Variants in CEP112 observed in about 807,000 individuals in gnomAD.
CEP112 encodes the protein centrosomal protein 112.
Under a neutral mutation model 153.0 loss-of-function variants are expected in CEP112, and 127 were observed. The ratio of observed to expected loss-of-function variants is 0.83; its 90% confidence interval spans 0.72 to 0.96. The LOEUF is 0.96. Among genes scored for constraint, CEP112 ranks in the 40% least tolerant of loss-of-function variants. CEP112 has a pLI of 0.00. For missense variants in CEP112, 1,089 were observed against 1,101.2 expected (o/e 0.99, Z 0.16); for synonymous variants, 358 against 374.4 (o/e 0.96, Z 0.51).
intron 23 of CEP112, among the ~76,000 whole-genome samples, chr17:65,718,563 T>C (rs946850681): frequency 6.6e-6 from 1 of 152,210 alleles, no homozygotes; most frequent in African/African-American, 2.4e-5. Flanking sequence ...AATGAGTATC[T>C]CCTAAATTCT....
intron 19 of CEP112, among the ~76,000 whole-genome samples, chr17:65,908,019 C>T (rs910303788): frequency 6.6e-6 from 1 of 152,156 alleles, no homozygotes; most frequent in South Asian, 2.1e-4. Context: ...AATAAGCCTT[C>T]TAAGTTAAGG....
intron 4 of CEP112, among the ~76,000 whole-genome samples, chr17:66,140,497 A>G (rs2070643322): frequency 6.6e-6 from 1 of 152,234 alleles, no homozygotes; most frequent in Non-Finnish European, 1.5e-5. Context: ...AGATGACATA[A>G]TTGTATATGC....
At chr17:65,637,229 T>C (rs1352803007) in intron 25 of CEP112, 41 bp from the exon 26 acceptor site, 18 of 1,336,458 alleles carry the variant, frequency 1.3e-5, no homozygotes, top group Non-Finnish European at 1.9e-5. Flanking sequence ...GGACGTGGCT[T>C]ACATGTCAAT....
chr17:65,875,245 C>T (rs1369353205), intron 20 of CEP112, among the ~76,000 whole-genome samples: 1 of 151,990 alleles, frequency 6.6e-6, no homozygotes, highest in Non-Finnish European at 1.5e-5. Context: ...GGAAAGTTGA[C>T]ACAAATAGAA....
chr17:65,827,628 C>A (rs1422009617), intron 21 of CEP112, among the ~76,000 whole-genome samples: 1 of 152,134 alleles, frequency 6.6e-6, no homozygotes, highest in Non-Finnish European at 1.5e-5. Flanking sequence ...TACCCTCTTA[C>A]TCTCTCATTA....
At chr17:65,646,901 GACA>G (rs755709228) in intron 24 of CEP112, among the ~76,000 whole-genome samples, 26 of 152,236 alleles carry the variant, frequency 1.7e-4, no homozygotes, top group Non-Finnish European at 3.2e-4. Context: ...CAATAACAAT[GACA>G]ACAACAACTG....
At chr17:65,937,541 CCAGCCGCCCCG>C (rs2061365133) in intron 18 of CEP112, among the ~76,000 whole-genome samples, 1 of 118,844 alleles carries the variant, frequency 8.4e-6, no homozygotes. Context: ...CTCTGCCCGG[CCAGCCGCCCCG>C]TCCGGGAGGG....
intron 24 of CEP112, among the ~76,000 whole-genome samples, chr17:65,646,293 T>C (rs188183110): frequency 3.9e-4 from 59 of 152,336 alleles, no homozygotes; most frequent in African/African-American, 1.4e-3. Context: ...GTGATTTTAG[T>C]GAGTTTGAAT....
chr17:65,699,574 C>T (rs232142), intron 23 of CEP112, among the ~76,000 whole-genome samples: 2 of 151,884 alleles, frequency 1.3e-5, no homozygotes, highest in Admixed American at 6.6e-5. Flanking sequence ...TACACTGGCA[C>T]GTTGTCTTTA....
intron 21 of CEP112, among the ~76,000 whole-genome samples, chr17:65,829,652 A>T (rs1024544122): frequency 2.0e-5 from 3 of 152,236 alleles, no homozygotes; most frequent in African/African-American, 4.8e-5. Context: ...TATTAAAATA[A>T]TTACAGTCTA....
chr17:65,771,482 A>T (rs1466781452), intron 21 of CEP112, among the ~76,000 whole-genome samples: 1 of 152,204 alleles, frequency 6.6e-6, no homozygotes, highest in Non-Finnish European at 1.5e-5. Context: ...AAGTGATAGG[A>T]CAAGTAGACC....
intron 17 of CEP112, among the ~76,000 whole-genome samples, chr17:65,971,073 C>T (rs988515054): frequency 3.9e-5 from 6 of 152,176 alleles, no homozygotes; most frequent in Non-Finnish European, 8.8e-5. Flanking sequence ...ACATGCATGT[C>T]ACATGTCTTA....
intron 16 of CEP112, among the ~76,000 whole-genome samples, chr17:66,021,113 G>A (rs1158786269): frequency 6.6e-6 from 1 of 152,124 alleles, no homozygotes; most frequent in Non-Finnish European, 1.5e-5. Flanking sequence ...GATATAACTA[G>A]GAGAGAGGCC....
At chr17:66,039,413 T>G (rs1368333211) in intron 12 of CEP112, among the ~76,000 whole-genome samples, 1 of 152,068 alleles carries the variant, frequency 6.6e-6, no homozygotes, top group East Asian at 1.9e-4. Flanking sequence ...GAGCAACTAA[T>G]TTTATCTTAT....
At chr17:65,711,576 T>C (rs150225507) in intron 23 of CEP112, among the ~76,000 whole-genome samples, 7 of 152,338 alleles carry the variant, frequency 4.6e-5, no homozygotes, top group East Asian at 1.9e-4. Context: ...ATTTTTCTTA[T>C]GGAAACTCTA....
rs1206243880 is a variant in CEP112, at chr17:65,871,528, G to A, written c.2164-19494C>T. On this transcript the variant is annotated intron_variant, in intron 20 of 26. Transcript: ENST00000535342. ...CAGGCGCCTATAGTCCCAGCTACTC[G>A]GGAGGCTGAGGCAGGAGAATGGCAT... is the stretch of plus-strand genomic sequence containing the variant. 2.6e-5 allele frequency among the ~76,000 whole-genome samples: 4 copies of A among 152,274 alleles called. 1 individual carries two copies. The highest frequency in any genetic ancestry group is 4.2e-4 in the South Asian group (2 of 4,818).
At position 65,848,321 on chromosome 17, in the gene CEP112, C is replaced by T. The variant is rs2057799973; in HGVS notation, c.2394+3483G>A. 2.0e-5 allele frequency among the ~76,000 whole-genome samples: 3 copies of T among 152,190 alleles called. No individual in the cohort carries two copies. In the South Asian group the frequency reaches 6.2e-4, roughly 31 times the overall value. On this transcript the variant is annotated intron_variant, in intron 21 of 26. Coordinates refer to ENST00000535342, the MANE Select transcript of CEP112 (RefSeq NM_001199165.4). Reference sequence around the variant, plus strand: ...GCGCACTGTCCAAGATCATCAATGACTTTGTGGTTTCACATCCAGTGACCT... The same window carrying T: ...GCGCACTGTCCAAGATCATCAATGATTTTGTGGTTTCACATCCAGTGACCT...
chr17:65,798,838 G>A (rs1165725789), intron 21 of CEP112, among the ~76,000 whole-genome samples: 2 of 152,138 alleles, frequency 1.3e-5, no homozygotes, highest in Non-Finnish European at 2.9e-5. Context: ...AAAATTAAGA[G>A]CAAATAAAAT....
At chr17:65,999,228 G>A (rs868647337) in intron 17 of CEP112, among the ~76,000 whole-genome samples, 1 of 138,736 alleles carries the variant, frequency 7.2e-6, no homozygotes, top group East Asian at 2.1e-4. Context: ...ACGGAGTCTC[G>A]CTCTTTCACT....
Sources: gnomAD v4.1 joint callset for allele counts (sites outside exome capture counted in the v4.1 genomes callset) on GRCh38, gnomAD v4.1.1 for gene constraint, MANE v1.5 for transcripts, NCBI Gene and HGNC (gene_info 2026-07-23, HGNC 2026-07-21) for gene names.